Variants in CSMD1 observed in about 807,000 individuals in gnomAD.
CSMD1 encodes CUB and sushi domain-containing protein 1.
CSMD1 carries 213 observed loss-of-function variants against 417.5 expected under a neutral mutation model. The ratio of observed to expected loss-of-function variants is 0.51; its 90% confidence interval spans 0.46 to 0.57. CSMD1 has a LOEUF of 0.57. Among genes scored for constraint, CSMD1 ranks in the 20% least tolerant of loss-of-function variants. The pLI is 0.00. For missense variants in CSMD1, 6,923 were observed against 4,529.7 expected (o/e 1.53, Z -15.17); for synonymous variants, 2,862 against 1,736.8 (o/e 1.65, Z -16.11).
intron 2 of CSMD1, among the ~76,000 whole-genome samples, chr8:4,421,905 GAC>G (rs1797270224): frequency 6.6e-6 from 1 of 151,916 alleles, no homozygotes; most frequent in African/African-American, 2.4e-5. Flanking sequence ...AATTGAAAAA[GAC>G]TGACTAAATA....
At chr8:4,962,608 C>G (rs1293774873) in intron 1 of CSMD1, among the ~76,000 whole-genome samples, 1 of 152,112 alleles carries the variant, frequency 6.6e-6, no homozygotes, top group East Asian at 1.9e-4. Context: ...TAAAGCACCC[C>G]AGATGCCAGT....
intron 23 of CSMD1, among the ~76,000 whole-genome samples, chr8:3,311,000 C>G (rs1805297835): frequency 6.6e-6 from 1 of 152,152 alleles, no homozygotes; most frequent in Non-Finnish European, 1.5e-5. Context: ...GTCAAGATGC[C>G]TACACAGGCT....
In CSMD1 at chr8:3,435,717, A is replaced by G. The variant is rs536030981; in HGVS notation, c.1562-26112T>C. Among the ~76,000 whole-genome samples, 3 of 151,512 alleles carry G rather than the reference A, an allele frequency of 2.0e-5. No individual in the cohort carries two copies. The South Asian group carries it at 6.3e-4, about 32-fold the overall frequency. On this transcript the variant is annotated intron_variant, in intron 12 of 69. Transcript: ENST00000635120. ...TTCACCCAGACCTCCTTCCCATCCC[A>G]ACACCCTACACGTCACTCAATCAGG...
chr8:3,336,354 G>C (rs777178043), intron 23 of CSMD1, among the ~76,000 whole-genome samples: 1 of 152,192 alleles, frequency 6.6e-6, no homozygotes, highest in Non-Finnish European at 1.5e-5. Flanking sequence ...CAAGAGACAT[G>C]TGTCACCTTC....
At chr8:4,332,956 A>AAAAC (rs1554435191) in intron 3 of CSMD1, among the ~76,000 whole-genome samples, 1 of 151,874 alleles carries the variant, frequency 6.6e-6, no homozygotes, top group Admixed American at 6.6e-5. Flanking sequence ...AAAAAAAAAA[A>AAAAC]ACTAAGATTT....
chr8:4,588,707 C>T (rs1170154619), intron 2 of CSMD1, among the ~76,000 whole-genome samples: 1 of 151,722 alleles, frequency 6.6e-6, no homozygotes, highest in Non-Finnish European at 1.5e-5. Context: ...ATCGCTTGAA[C>T]CCGGGAGGCA....
chr8:4,146,593 C>CTTTTTTTTTTTTTT lies in CSMD1; in HGVS notation c.416-114495_416-114494insAAAAAAAAAAAAAA, dbSNP rs1208930261. 3.1e-3 allele frequency among the ~76,000 whole-genome samples: 281 copies of CTTTTTTTTTTTTTT among 90,712 alleles called. 97 individuals are homozygous for CTTTTTTTTTTTTTT. The highest frequency in any genetic ancestry group is 3.9e-3 in the Non-Finnish European group (198 of 51,254). 59.5% of individuals were successfully genotyped at this position (90,712 alleles called of 152,430 possible). On this transcript the variant is annotated intron_variant, in intron 3 of 69. Transcript: ENST00000635120. ...ATCTGTCTAAATGTTTATATGGACACATTTTTTTTTTTTTTTTTTTTTTTT... is the reference window on the plus strand; with the variant it reads ...ATCTGTCTAAATGTTTATATGGACACTTTTTTTTTTTTTTATTTTTTTTTTTTTTTTTTTTTTTT...
intron 2 of CSMD1, among the ~76,000 whole-genome samples, chr8:4,498,520 G>A (rs891663174): frequency 1.3e-5 from 2 of 152,058 alleles, no homozygotes; most frequent in African/African-American, 4.8e-5. Context: ...AAATTAAATT[G>A]AATTTTAGGG....
At chr8:3,028,006 C>T (rs182433455) in intron 51 of CSMD1, among the ~76,000 whole-genome samples, 98 of 152,260 alleles carry the variant, frequency 6.4e-4, no homozygotes, top group African/African-American at 2.0e-3. Flanking sequence ...CAGCAAATAC[C>T]ATTTGGCACG....
chr8:4,026,034 C>T (rs1339341489), intron 4 of CSMD1, among the ~76,000 whole-genome samples: 1 of 150,744 alleles, frequency 6.6e-6, no homozygotes, highest in Non-Finnish European at 1.5e-5. Context: ...AACTCTTCAA[C>T]CAGTTCCTGC....
At chr8:3,150,119 C>T (rs941050650) in intron 40 of CSMD1, among the ~76,000 whole-genome samples, 4 of 152,254 alleles carry the variant, frequency 2.6e-5, no homozygotes, top group Middle Eastern at 3.4e-3. Flanking sequence ...CCCAGGTCTC[C>T]GTTTCATTTA....
intron 2 of CSMD1, among the ~76,000 whole-genome samples, chr8:4,615,994 C>A (rs1221805737): frequency 6.6e-6 from 1 of 152,072 alleles, no homozygotes; most frequent in Admixed American, 6.6e-5. Flanking sequence ...ACCACATCAC[C>A]TTTTCGGTTA....
chr8:2,972,799 C>T (rs1378229041), intron 57 of CSMD1, among the ~76,000 whole-genome samples: 1 of 152,186 alleles, frequency 6.6e-6, no homozygotes, highest in East Asian at 1.9e-4. Context: ...TGCTCTGGAA[C>T]CCCACTCACT....
intron 8 of CSMD1, among the ~76,000 whole-genome samples, chr8:3,609,222 T>C (rs937527314): frequency 2.0e-5 from 3 of 152,166 alleles, no homozygotes; most frequent in Admixed American, 1.3e-4. Context: ...AGGCTACATA[T>C]CCTGTTAGCA....
intron 5 of CSMD1, among the ~76,000 whole-genome samples, chr8:3,773,936 C>G (rs1284246902): frequency 2.0e-5 from 3 of 152,150 alleles, no homozygotes; most frequent in Non-Finnish European, 4.4e-5. Flanking sequence ...ATTTGCATGA[C>G]ATTGCACAGC....
At chr8:3,924,072 G>A (rs561946444) in intron 5 of CSMD1, among the ~76,000 whole-genome samples, 1 of 152,162 alleles carries the variant, frequency 6.6e-6, no homozygotes, top group Non-Finnish European at 1.5e-5. Context: ...TTCTTGCAGG[G>A]TATATCTGGT....
intron 5 of CSMD1, among the ~76,000 whole-genome samples, chr8:3,968,917 A>G (rs1285129183): frequency 2.0e-5 from 3 of 152,166 alleles, no homozygotes; most frequent in African/African-American, 7.2e-5. Context: ...ATTTATCTCA[A>G]AGTTTTCAAG....
At chr8:3,589,289 C>G (rs182539810) in intron 8 of CSMD1, among the ~76,000 whole-genome samples, 1 of 152,200 alleles carries the variant, frequency 6.6e-6, no homozygotes, top group African/African-American at 2.4e-5. Context: ...TCTGCACTCT[C>G]ATAGTCACTG....
chr8:4,383,426 C>A (rs773912078), intron 3 of CSMD1, among the ~76,000 whole-genome samples: 1 of 152,124 alleles, frequency 6.6e-6, no homozygotes, highest in Non-Finnish European at 1.5e-5. Context: ...TCCGTTAAGT[C>A]CAGCCAGATA....
Sources: allele counts gnomAD v4.1 joint callset (sites outside exome capture counted in the v4.1 genomes callset), GRCh38; gene constraint gnomAD v4.1.1; transcripts MANE v1.5; gene names NCBI Gene and HGNC (gene_info 2026-07-23, HGNC 2026-07-21).